Variants in RBFOX1 observed in about 807,000 individuals in gnomAD.
The protein encoded by RBFOX1 is RNA binding fox-1 homolog 1, also known as RNA binding protein fox-1 homolog 1.
A neutral mutation model predicts 57.7 loss-of-function variants in RBFOX1; 8 were observed. That is an observed-to-expected ratio of 0.14 (90% CI 0.08 to 0.25). RBFOX1 has a LOEUF of 0.25. Ranked by LOEUF, RBFOX1 falls within the 10% of genes least tolerant of loss-of-function variation. The pLI is 1.00. For missense variants in RBFOX1, 611 were observed against 548.5 expected, an observed-to-expected ratio of 1.11 and a Z score of -1.14; for synonymous variants, 326 against 222.4, an observed-to-expected ratio of 1.47 and a Z score of -4.15.
intron 1 of RBFOX1, among the ~76,000 whole-genome samples, chr16:6,079,409 T>C (rs2152503368): frequency 6.6e-6 from 1 of 152,346 alleles, no homozygotes; most frequent in Admixed American, 6.5e-5. Flanking sequence ...CCTCCTGGCC[T>C]CAAGTGATCT....
intron 4 of RBFOX1, among the ~76,000 whole-genome samples, chr16:7,482,636 C>A (rs1300742879): frequency 2.1e-5 from 3 of 144,578 alleles, no homozygotes; most frequent in Non-Finnish European, 4.5e-5. Flanking sequence ...TCCAAGAGAA[C>A]CCAGGAGGAA....
At chr16:7,310,436 A>G (rs766444890) in intron 4 of RBFOX1, among the ~76,000 whole-genome samples, 1 of 152,172 alleles carries the variant, frequency 6.6e-6, no homozygotes, top group East Asian at 1.9e-4. Context: ...GAGGAGGTAG[A>G]GAGAAGGAGA....
chr16:7,378,355 T>G (rs1041071581), intron 4 of RBFOX1, among the ~76,000 whole-genome samples: 1 of 152,112 alleles, frequency 6.6e-6, no homozygotes, highest in Non-Finnish European at 1.5e-5. Context: ...TGAGAGTATG[T>G]GTTTGCTAGC....
At chr16:5,433,798 C>T (rs750416707) in intron 1 of RBFOX1, among the ~76,000 whole-genome samples, 1 of 152,124 alleles carries the variant, frequency 6.6e-6, no homozygotes, top group Non-Finnish European at 1.5e-5. Flanking sequence ...CCGCTGCTTC[C>T]CCAGCATCTA....
chr16:6,848,398 A>C (rs1378794863), intron 3 of RBFOX1, among the ~76,000 whole-genome samples: 1 of 152,156 alleles, frequency 6.6e-6, no homozygotes, highest in Non-Finnish European at 1.5e-5. Flanking sequence ...ACAAAGTTTT[A>C]TGAAAATGCT....
chr16:6,555,030 G>C (rs771943852), intron 2 of RBFOX1, among the ~76,000 whole-genome samples: 2 of 151,970 alleles, frequency 1.3e-5, no homozygotes, highest in African/African-American at 4.9e-5. Context: ...GGAGGAATGA[G>C]AAGCTGGGGA....
chr16:6,255,881 G>C lies in RBFOX1; in HGVS notation c.-126-61114G>C, dbSNP rs180888212. 5.3e-5 allele frequency among the ~76,000 whole-genome samples: 8 copies of C among 151,590 alleles called. No individual in the cohort carries two copies. In the East Asian group the frequency reaches 1.6e-3, roughly 30 times the overall value. ...ACAGGGAGGAGAACGTCACACACCG[G>C]GGCCTGTACTTGGTGGGGTGCAAAG... On this transcript the variant is annotated intron_variant, in intron 1 of 15. Coordinates refer to ENST00000550418, the MANE Select transcript of RBFOX1 (RefSeq NM_018723.4).
intron 1 of RBFOX1, among the ~76,000 whole-genome samples, chr16:5,362,551 G>A (rs528111679): frequency 3.9e-5 from 6 of 152,200 alleles, no homozygotes; most frequent in East Asian, 3.9e-4. Context: ...TAGTAGAGAC[G>A]GGGTTTCTCC....
chr16:7,655,336 A>G (rs11647010), intron 12 of RBFOX1, among the ~76,000 whole-genome samples: 1 of 152,150 alleles, frequency 6.6e-6, no homozygotes, highest in Non-Finnish European at 1.5e-5. Flanking sequence ...AATTGGGTCA[A>G]CTTTGAGCTT....
intron 2 of RBFOX1, among the ~76,000 whole-genome samples, chr16:6,604,735 C>T (rs1567848984): frequency 6.6e-6 from 1 of 152,154 alleles, no homozygotes; most frequent in Non-Finnish European, 1.5e-5. Flanking sequence ...CTATAACATT[C>T]TACAATTCAA....
intron 3 of RBFOX1, among the ~76,000 whole-genome samples, chr16:6,916,576 G>A (rs1345954833): frequency 1.3e-5 from 2 of 151,336 alleles, no homozygotes; most frequent in Admixed American, 6.6e-5. Flanking sequence ...ATAAATCATC[G>A]TGACCTACAC....
intron 1 of RBFOX1, among the ~76,000 whole-genome samples, chr16:6,117,436 G>A (rs992300238): frequency 6.6e-6 from 1 of 152,188 alleles, no homozygotes; most frequent in Non-Finnish European, 1.5e-5. Flanking sequence ...GAATGGTTCC[G>A]CTCCAAAATT....
chr16:7,374,421 T>C (rs974816908), intron 4 of RBFOX1, among the ~76,000 whole-genome samples: 11 of 152,228 alleles, frequency 7.2e-5, no homozygotes, highest in Admixed American at 2.6e-4. Context: ...TGCTGGATTA[T>C]TCTGCTCAGT....
chr16:6,744,212 A>G (rs1375329233), intron 3 of RBFOX1, among the ~76,000 whole-genome samples: 1 of 152,146 alleles, frequency 6.6e-6, no homozygotes, highest in Non-Finnish European at 1.5e-5. Context: ...CAACTTTAAA[A>G]TACATGAAAC....
At chr16:6,324,869 C>T (rs908521129) in intron 2 of RBFOX1, among the ~76,000 whole-genome samples, 1 of 152,152 alleles carries the variant, frequency 6.6e-6, no homozygotes, top group African/African-American at 2.4e-5. Context: ...TAAGTTACGA[C>T]CAGAAGCAGT....
At chr16:6,854,709 G>C (rs11645381) in intron 3 of RBFOX1, among the ~76,000 whole-genome samples, 36,212 of 148,454 alleles carry the variant, frequency 0.24, 4,867 homozygotes, top group Admixed American at 0.38. Context: ...GTTCTCCTGC[G>C]TCAGCCTCCC....
chr16:6,296,121 A>G (rs1343488195), intron 1 of RBFOX1, among the ~76,000 whole-genome samples: 1 of 152,188 alleles, frequency 6.6e-6, no homozygotes, highest in Admixed American at 6.5e-5. Context: ...GCATTTTGCT[A>G]CATGCCTTGG....
intron 13 of RBFOX1, among the ~76,000 whole-genome samples, chr16:7,673,090 C>G (rs925457680): frequency 6.6e-6 from 1 of 152,046 alleles, no homozygotes; most frequent in Non-Finnish European, 1.5e-5. Flanking sequence ...TGCACTCCAG[C>G]TGAAGGAAGC....
At chr16:5,427,439 G>C (rs944738283) in intron 1 of RBFOX1, among the ~76,000 whole-genome samples, 1 of 152,082 alleles carries the variant, frequency 6.6e-6, no homozygotes, top group Admixed American at 6.6e-5. Context: ...ACAAAAATTA[G>C]CCAGGCATAG....
Sources: gnomAD v4.1 joint callset for allele counts (sites outside exome capture counted in the v4.1 genomes callset) on GRCh38, gnomAD v4.1.1 for gene constraint, MANE v1.5 for transcripts, NCBI Gene and HGNC (gene_info 2026-07-23, HGNC 2026-07-21) for gene names.